LBR: variants seen among roughly 807,000 people sequenced by gnomAD.
LBR encodes the protein delta(14)-sterol reductase LBR.
In LBR, 28 loss-of-function variants were observed where a neutral mutation model predicts 74.3. That is an observed-to-expected ratio of 0.38 (90% CI 0.28 to 0.52). The LOEUF is 0.52. LBR is among the 20% of genes least tolerant of loss of function. The probability of loss-of-function intolerance (pLI) is 0.89; values close to 1 mark genes in which losing one functional copy is unlikely to be tolerated. For synonymous variants in LBR, 228 were observed against 269.3 expected, an observed-to-expected ratio of 0.85 and a Z score of 1.50; for missense variants, 717 against 760.3, an observed-to-expected ratio of 0.94 and a Z score of 0.67.
At chr1:225,407,476 A>G (rs768507554) in intron 10 of LBR, among the ~76,000 whole-genome samples, 1 of 152,236 alleles carries the variant, frequency 6.6e-6, no homozygotes, top group Non-Finnish European at 1.5e-5. Context: ...GCCTGGCAAC[A>G]TGGTGAACTG....
At chr1:225,408,456 G>A (rs1212999370) in intron 10 of LBR, among the ~76,000 whole-genome samples, 2 of 152,246 alleles carry the variant, frequency 1.3e-5, no homozygotes, top group African/African-American at 4.8e-5. Context: ...CGGGTAGGGG[G>A]AGGACCTTAG....
chr1:225,422,194 G>A lies in LBR; in HGVS notation c.249C>T (p.Arg83=), dbSNP rs756952587. The A allele has an allele frequency of 7.4e-6, 12 of 1,613,918 alleles. No homozygotes were observed. Among genetic ancestry groups the A allele is most frequent in the Middle Eastern group, 1.7e-4 (1 of 5,986 alleles). Residue 83 remains arginine (R), a synonymous_variant, in exon 3 of 14, where the codon CGC becomes CGT. Transcript: ENST00000272163. ...SRRRGSRSRS[R]SRSPGRPPKS... The stretch of plus-strand genomic sequence containing the variant: ...TAGGTGGTCGACCAGGGGATCGGGA[G>A]CGTGACCTTGATCGACTCCCTCGGC...
intron 3 of LBR, among the ~76,000 whole-genome samples, chr1:225,420,906 T>C (rs1216509461): frequency 6.6e-6 from 1 of 152,196 alleles, no homozygotes; most frequent in Non-Finnish European, 1.5e-5. Flanking sequence ...ACCATACAGC[T>C]GACCTAGCAG....
At chr1:225,423,799 A>G in intron 2 of LBR, 112 bp downstream of exon 2, 2 of 1,011,668 alleles carry the variant, frequency 2.0e-6, no homozygotes, top group Middle Eastern at 3.0e-4. Context: ...GCAAGAGCTC[A>G]ATCCTCTGCC....
In LBR at chr1:225,403,230, C is replaced by A; in HGVS notation, c.*73G>T. Reference sequence around the variant, plus strand: ...CTGTCAGTGCAACAAAAGAAAGTTTCGGATTTTTTTCCTTGTTTTTGCAAA... The same window carrying A: ...CTGTCAGTGCAACAAAAGAAAGTTTAGGATTTTTTTCCTTGTTTTTGCAAA... On this transcript the variant is annotated 3_prime_UTR_variant, in exon 14 of 14. Transcript: ENST00000272163. The A allele has an allele frequency of 6.8e-7, 1 of 1,466,962 alleles. No homozygotes were observed. Among genetic ancestry groups the A allele is most frequent in the South Asian group, 1.1e-5 (1 of 87,932 alleles). 90.9% of individuals were successfully genotyped at this position (1,466,962 alleles called of 1,614,324 possible).
In LBR at chr1:225,404,346, C is replaced by T. The variant is rs888429219; in HGVS notation, c.1687+58G>A. ...CACACTGTCCCACACAAAGGACACACACACACATCTTTCTGGCGGCTAAAA... is the reference window on the plus strand; with the variant it reads ...CACACTGTCCCACACAAAGGACACATACACACATCTTTCTGGCGGCTAAAA... On this transcript the variant is annotated intron_variant, in intron 13 of 13. Transcript: ENST00000272163. The T allele has an allele frequency of 7.4e-6, 12 of 1,611,368 alleles. No homozygotes were observed. The African/African-American group carries it at 1.2e-4, about 16-fold the overall frequency.
At position 225,419,447 on chromosome 1, in the gene LBR, T is replaced by C. The variant is rs1287907084; in HGVS notation, c.456A>G (p.Lys152=). 1 of 1,608,064 alleles carries C rather than the reference T, an allele frequency of 6.2e-7. No homozygotes were observed. The highest frequency in any genetic ancestry group is 1.3e-5 in the African/African-American group (1 of 74,888). The part of the protein sequence containing the change: ...NDAPHKNTQE[K]FSLSQESSYI... ...AACTGCTTTCTTGTGACAAACTGAATTTTTCCTAAATGAAAAATTTAAAAA... is the reference window on the plus strand; with the variant it reads ...AACTGCTTTCTTGTGACAAACTGAACTTTTCCTAAATGAAAAATTTAAAAA... Residue 152 remains lysine (K), a synonymous_variant, in exon 5 of 14, where the codon AAA becomes AAG. Transcript: ENST00000272163.
chr1:225,405,851 C>T (rs2096090382), intron 11 of LBR, among the ~76,000 whole-genome samples: 1 of 152,206 alleles, frequency 6.6e-6, no homozygotes, highest in African/African-American at 2.4e-5. Context: ...TAATTTTAAC[C>T]AATGGTTTGA....
At chr1:225,427,009 A>G (rs1187252407) in intron 1 of LBR, among the ~76,000 whole-genome samples, 3 of 144,382 alleles carry the variant, frequency 2.1e-5, no homozygotes, top group African/African-American at 5.1e-5. Flanking sequence ...ATGCGTAACT[A>G]CAGATCTACA....
At chr1:225,418,719 C>G (rs1484717017) in intron 5 of LBR, among the ~76,000 whole-genome samples, 1 of 152,208 alleles carries the variant, frequency 6.6e-6, no homozygotes, top group Non-Finnish European at 1.5e-5. Flanking sequence ...GCCATTTAGA[C>G]AAGAAGTCTT....
chr1:225,406,983 T>C, intron 10 of LBR, 151 bp from the exon 11 acceptor site: 10 of 728,412 alleles, frequency 1.4e-5, no homozygotes, highest in Non-Finnish European at 2.2e-5. Context: ...CTGGTTCCCC[T>C]GGCCTGCTAG....
intron 10 of LBR, among the ~76,000 whole-genome samples, chr1:225,407,379 C>G (rs1362144437): frequency 6.6e-6 from 1 of 152,244 alleles, no homozygotes; most frequent in Non-Finnish European, 1.5e-5. Context: ...ATCACCAACT[C>G]TTTTTGTTTC....
At chr1:225,419,826 C>T in intron 3 of LBR, 28 bp from the exon 4 acceptor site, 1 of 1,426,656 alleles carries the variant, frequency 7.0e-7, no homozygotes, top group Non-Finnish European at 9.9e-7. Flanking sequence ...AACATTTAAT[C>T]AAAAGAACTG....
At chr1:225,427,574 G>C (rs1304098148) in intron 1 of LBR, 1 of 152,206 alleles carries the variant, frequency 6.6e-6, no homozygotes, top group African/African-American at 2.4e-5. Flanking sequence ...GCTCGGAGGG[G>C]CCGGGAGCCA....
intron 1 of LBR, among the ~76,000 whole-genome samples, chr1:225,426,677 G>C (rs985385904): frequency 3.3e-5 from 5 of 152,138 alleles, no homozygotes; most frequent in Non-Finnish European, 5.9e-5. Context: ...CAAGACGCTC[G>C]AATGACGTTG....
At chr1:225,419,694 T>C (rs1408326202) in intron 4 of LBR, 21 bp downstream of exon 4, 1 of 1,559,566 alleles carries the variant, frequency 6.4e-7, no homozygotes, top group Admixed American at 1.7e-5. Context: ...ACAACCAAGA[T>C]GAAAGGGAAC....
At chr1:225,409,321 AAGG>A (rs2096099570) in intron 10 of LBR, among the ~76,000 whole-genome samples, 1 of 152,224 alleles carries the variant, frequency 6.6e-6, no homozygotes, top group Non-Finnish European at 1.5e-5. Flanking sequence ...CCTAAATAAC[AAGG>A]AGATCATCGA....
At chr1:225,424,771 T>C (rs1366935723) in intron 1 of LBR, among the ~76,000 whole-genome samples, 1 of 152,206 alleles carries the variant, frequency 6.6e-6, no homozygotes, top group Non-Finnish European at 1.5e-5. Context: ...ATTCAAAACA[T>C]GGCCCACAAG....
intron 1 of LBR, among the ~76,000 whole-genome samples, chr1:225,425,579 T>C (rs1029203953): frequency 1.3e-5 from 2 of 152,188 alleles, no homozygotes; most frequent in African/African-American, 2.4e-5. Flanking sequence ...CACCTCTGCA[T>C]GAGCAGGGGC....
Sources: allele counts gnomAD v4.1 joint callset (sites outside exome capture counted in the v4.1 genomes callset), GRCh38; gene constraint gnomAD v4.1.1; transcripts MANE v1.5; gene names NCBI Gene and HGNC (gene_info 2026-07-23, HGNC 2026-07-21).